MAGI2: variants seen among roughly 807,000 people sequenced by gnomAD.
The protein encoded by MAGI2 is membrane-associated guanylate kinase, WW and PDZ domain-containing protein 2.
A neutral mutation model predicts 133.3 loss-of-function variants in MAGI2; 35 were observed. That is an observed-to-expected ratio of 0.26 (90% CI 0.20 to 0.35). MAGI2 has a LOEUF of 0.35. Ranked by LOEUF, MAGI2 falls within the 10% of genes least tolerant of loss-of-function variation. MAGI2 has a pLI of 1.00. For synonymous variants in MAGI2, 729 were observed against 710.6 expected (o/e 1.03, Z -0.41); for missense variants, 1,636 against 1,863.4 (o/e 0.88, Z 2.25).
At chr7:78,400,459 T>G (rs1583901666) in intron 6 of MAGI2, among the ~76,000 whole-genome samples, 1 of 152,220 alleles carries the variant, frequency 6.6e-6, no homozygotes, top group South Asian at 2.1e-4. Flanking sequence ...CAGATCTGAT[T>G]TTTAAATCAT....
At chr7:78,119,891 G>A (rs961239882) in intron 20 of MAGI2, among the ~76,000 whole-genome samples, 4 of 152,084 alleles carry the variant, frequency 2.6e-5, no homozygotes, top group African/African-American at 7.2e-5. Flanking sequence ...GTATTCAAGA[G>A]TAAAAATAAA....
At chr7:78,725,801 TACAACAACA>T (rs1414403406) in intron 2 of MAGI2, among the ~76,000 whole-genome samples, 4 of 148,492 alleles carry the variant, frequency 2.7e-5, no homozygotes, top group Non-Finnish European at 6.0e-5. Context: ...TCGGTCTCAA[TACAACAACA>T]ACCACAACAA....
intron 9 of MAGI2, among the ~76,000 whole-genome samples, chr7:78,286,124 G>A (rs189086835): frequency 3.9e-5 from 6 of 151,998 alleles, no homozygotes; most frequent in East Asian, 3.9e-4. Context: ...CTAAATTTAC[G>A]GTGTAAAATG....
intron 20 of MAGI2, among the ~76,000 whole-genome samples, chr7:78,105,966 T>C (rs1482479296): frequency 6.6e-6 from 1 of 152,102 alleles, no homozygotes; most frequent in African/African-American, 2.4e-5. Flanking sequence ...TCTATCTAAC[T>C]GTATTTTTGT....
intron 6 of MAGI2, among the ~76,000 whole-genome samples, chr7:78,474,806 A>G (rs979533474): frequency 1.3e-5 from 2 of 151,614 alleles, no homozygotes; most frequent in Non-Finnish European, 2.9e-5. Flanking sequence ...TAGTGTATAT[A>G]TTATTTAAAT....
intron 1 of MAGI2, among the ~76,000 whole-genome samples, chr7:79,184,253 A>C (rs982691550): frequency 2.6e-5 from 4 of 151,450 alleles, no homozygotes; most frequent in Non-Finnish European, 5.9e-5. Flanking sequence ...GTATCCCCAA[A>C]ATATATATAT....
At chr7:79,255,134 C>T (rs1031818589) in intron 1 of MAGI2, among the ~76,000 whole-genome samples, 2 of 152,076 alleles carry the variant, frequency 1.3e-5, no homozygotes, top group African/African-American at 4.8e-5. Flanking sequence ...ACTTGTGATA[C>T]TTTCATTATT....
rs540018672 is a variant in MAGI2, at chr7:78,419,200, T to C, written c.1046-49987A>G. On this transcript the variant is annotated intron_variant, in intron 6 of 21. Coordinates refer to ENST00000354212, the MANE Select transcript of MAGI2 (RefSeq NM_012301.4). ...ATTCCAGATTAGTCCTAGCATACTA[T>C]AGTTCTCATAAGGATAGGATCTTTT... 1.8e-4 allele frequency among the ~76,000 whole-genome samples: 28 copies of C among 152,284 alleles called. No homozygotes were observed. The South Asian group carries it at 5.6e-3, about 30-fold the overall frequency.
chr7:78,635,512 A>G (rs1288016352), intron 2 of MAGI2, among the ~76,000 whole-genome samples: 1 of 152,246 alleles, frequency 6.6e-6, no homozygotes, highest in Admixed American at 6.5e-5. Context: ...TACCCAATAC[A>G]TATTTGCTAA....
chr7:79,298,258 T>A (rs1837103907), intron 1 of MAGI2, among the ~76,000 whole-genome samples: 1 of 152,184 alleles, frequency 6.6e-6, no homozygotes, highest in East Asian at 1.9e-4. Context: ...ATGTCATAAT[T>A]GGGTCTTTGA....
At chr7:79,312,492 C>A (rs1838363816) in intron 1 of MAGI2, among the ~76,000 whole-genome samples, 1 of 152,136 alleles carries the variant, frequency 6.6e-6, no homozygotes, top group Non-Finnish European at 1.5e-5. Flanking sequence ...ATCAGTCTTG[C>A]TTGTCTATTC....
Position 79,115,854 on chromosome 7 carries a change from G to GTT in MAGI2, c.302-108650_302-108649dup, listed in dbSNP as rs59398227. Among the ~76,000 whole-genome samples the GTT allele has an allele frequency of 1.9e-3, 182 of 93,932 alleles. 6 individuals are homozygous for GTT. The highest frequency in any genetic ancestry group is 6.4e-3 in the African/African-American group (146 of 22,922). The allele number at this position is 93,932 out of a possible 152,430, so 61.6% of individuals were successfully genotyped here. ...TCTGAATTATTCTAAATGTTTTAAAGTTTTTTTTTTTTTTTTTTTTTTTTT... is the reference window on the plus strand; with the variant it reads ...TCTGAATTATTCTAAATGTTTTAAAGTTTTTTTTTTTTTTTTTTTTTTTTTTT... On this transcript the variant is annotated intron_variant, in intron 1 of 21. Transcript: ENST00000354212.
chr7:78,460,168 C>A (rs1475599530), intron 6 of MAGI2, among the ~76,000 whole-genome samples: 1 of 152,184 alleles, frequency 6.6e-6, no homozygotes, highest in Non-Finnish European at 1.5e-5. Context: ...ACAGAAACAT[C>A]CAGAAACAAA....
chr7:78,300,749 A>G (rs1422314345), intron 9 of MAGI2, among the ~76,000 whole-genome samples: 2 of 152,206 alleles, frequency 1.3e-5, no homozygotes, highest in African/African-American at 2.4e-5. Context: ...AATCCTATAA[A>G]TCTGAGTGCT....
chr7:79,022,855 C>T (rs951134533), intron 1 of MAGI2, among the ~76,000 whole-genome samples: 2 of 152,036 alleles, frequency 1.3e-5, no homozygotes, highest in Admixed American at 1.3e-4. Context: ...TTGAATCAGT[C>T]ATAGAAAGCC....
intron 10 of MAGI2, among the ~76,000 whole-genome samples, chr7:78,249,271 A>G (rs902223895): frequency 2.0e-5 from 3 of 152,164 alleles, no homozygotes; most frequent in African/African-American, 7.2e-5. Context: ...ATGGCAATGT[A>G]AATTAGTATA....
intron 2 of MAGI2, among the ~76,000 whole-genome samples, chr7:78,727,538 G>A (rs547826773): frequency 4.6e-5 from 7 of 152,234 alleles, no homozygotes; most frequent in Middle Eastern, 3.4e-3. Flanking sequence ...ACAAGTCATC[G>A]TCTGTAAAAT....
chr7:78,023,818 A>T (rs1176447882), intron 21 of MAGI2, among the ~76,000 whole-genome samples: 1 of 152,248 alleles, frequency 6.6e-6, no homozygotes, highest in Non-Finnish European at 1.5e-5. Context: ...CAACCAAATG[A>T]GGATGGAAAA....
intron 6 of MAGI2, among the ~76,000 whole-genome samples, chr7:78,432,137 C>A (rs1799852843): frequency 6.6e-6 from 1 of 150,618 alleles, no homozygotes. Flanking sequence ...TTTTTTTTAT[C>A]TGACAGCAAA....
Sources: gnomAD v4.1 joint callset for allele counts (sites outside exome capture counted in the v4.1 genomes callset) on GRCh38, gnomAD v4.1.1 for gene constraint, MANE v1.5 for transcripts, NCBI Gene and HGNC (gene_info 2026-07-23, HGNC 2026-07-21) for gene names.